The following CCDC178 variants were observed in gnomAD, a reference collection of about 807,000 sequenced individuals.
CCDC178 encodes the protein coiled-coil domain containing 178.
A neutral mutation model predicts 117.4 loss-of-function variants in CCDC178; 126 were observed. That is an observed-to-expected ratio of 1.07 (90% CI 0.93 to 1.24). The LOEUF (loss-of-function observed/expected upper bound fraction) is 1.24, where lower values mean the gene tolerates loss of function less well. Among genes scored for constraint, CCDC178 ranks in the 50% most tolerant of loss-of-function variants. CCDC178 has a pLI of 0.00. For missense variants in CCDC178, 1,030 were observed against 986.9 expected, an observed-to-expected ratio of 1.04 and a Z score of -0.59; for synonymous variants, 283 against 313.4, an observed-to-expected ratio of 0.90 and a Z score of 1.02.
chr18:33,128,708 C>T (rs1396195794), intron 20 of CCDC178, among the ~76,000 whole-genome samples: 1 of 152,124 alleles, frequency 6.6e-6, no homozygotes, highest in Non-Finnish European at 1.5e-5. Flanking sequence ...CCTAAGGAAG[C>T]TCTGGAAGGC....
chr18:33,361,758 T>A (rs1333796046), intron 6 of CCDC178, among the ~76,000 whole-genome samples: 1 of 151,642 alleles, frequency 6.6e-6, no homozygotes, highest in Non-Finnish European at 1.5e-5. Flanking sequence ...ATGAGATATC[T>A]TCTCACACAC....
At chr18:33,417,165 C>T (rs1470934575) in intron 2 of CCDC178, among the ~76,000 whole-genome samples, 6 of 152,080 alleles carry the variant, frequency 3.9e-5, no homozygotes, top group Admixed American at 1.3e-4. Context: ...GTTTTGTCCA[C>T]AATAGCCAAA....
chr18:33,140,435 C>T (rs774842296), intron 20 of CCDC178, among the ~76,000 whole-genome samples: 55 of 152,268 alleles, frequency 3.6e-4, no homozygotes, highest in African/African-American at 8.4e-4. Context: ...GCCATAGGGA[C>T]GGAGCTGCCC....
intron 11 of CCDC178, among the ~76,000 whole-genome samples, chr18:33,315,542 C>T (rs889065395): frequency 1.1e-4 from 16 of 152,198 alleles, no homozygotes; most frequent in Admixed American, 3.3e-4. Flanking sequence ...TATGTATAAG[C>T]AAATCGAGGC....
chr18:33,371,900 A>G (rs2063306905), intron 5 of CCDC178, among the ~76,000 whole-genome samples: 2 of 152,000 alleles, frequency 1.3e-5, no homozygotes, highest in Non-Finnish European at 2.9e-5. Flanking sequence ...TGATAAGGGC[A>G]TGTTGGCCCT....
At chr18:33,237,436 C>G (rs546704618) in intron 15 of CCDC178, among the ~76,000 whole-genome samples, 2 of 152,218 alleles carry the variant, frequency 1.3e-5, no homozygotes, top group Non-Finnish European at 2.9e-5. Context: ...AGAAACCATA[C>G]AGCCATGTCA....
chr18:33,046,904 G>A (rs1253245941), intron 21 of CCDC178, among the ~76,000 whole-genome samples: 1 of 152,148 alleles, frequency 6.6e-6, no homozygotes, highest in Non-Finnish European at 1.5e-5. Flanking sequence ...TGGAGATATA[G>A]AAATGCCTTA....
intron 21 of CCDC178, among the ~76,000 whole-genome samples, chr18:33,005,741 T>C (rs1482309523): frequency 6.6e-6 from 1 of 152,044 alleles, no homozygotes; most frequent in African/African-American, 2.4e-5. Flanking sequence ...ATATCCACTA[T>C]GCACACACAA....
At chr18:33,007,701 C>G in intron 21 of CCDC178, among the ~76,000 whole-genome samples, 1 of 152,094 alleles carries the variant, frequency 6.6e-6, no homozygotes, top group East Asian at 1.9e-4. Context: ...CAAATCAAGG[C>G]TATTGGTGGC....
intron 12 of CCDC178, among the ~76,000 whole-genome samples, chr18:33,276,357 G>C (rs1466783049): frequency 6.6e-6 from 1 of 152,054 alleles, no homozygotes; most frequent in Non-Finnish European, 1.5e-5. Context: ...ACAATTTTAG[G>C]ACAGTTAAAC....
At chr18:33,227,332 A>T (rs2059314652) in intron 15 of CCDC178, among the ~76,000 whole-genome samples, 1 of 151,348 alleles carries the variant, frequency 6.6e-6, no homozygotes, top group Non-Finnish European at 1.5e-5. Context: ...GTAGGGAAAA[A>T]ATTTGGAAAA....
chr18:33,055,706 T>C (rs1476146463), intron 21 of CCDC178, among the ~76,000 whole-genome samples: 2 of 152,198 alleles, frequency 1.3e-5, no homozygotes, highest in African/African-American at 4.8e-5. Flanking sequence ...ATAAGTTCAA[T>C]GAGGAAGTGA....
chr18:32,967,390 G>A (rs932788507), intron 22 of CCDC178, among the ~76,000 whole-genome samples: 1 of 151,354 alleles, frequency 6.6e-6, no homozygotes, highest in Non-Finnish European at 1.5e-5. Context: ...CAGGATTGAT[G>A]TCTTAGACTA....
At chr18:33,202,249 G>A (rs1396868185) in intron 20 of CCDC178, among the ~76,000 whole-genome samples, 1 of 151,816 alleles carries the variant, frequency 6.6e-6, no homozygotes, top group African/African-American at 2.4e-5. Flanking sequence ...AAAATTAGCT[G>A]GGCGTGGTGG....
At chr18:33,341,762 T>C (rs1291802638) in intron 9 of CCDC178, among the ~76,000 whole-genome samples, 1 of 152,172 alleles carries the variant, frequency 6.6e-6, no homozygotes, top group Non-Finnish European at 1.5e-5. Flanking sequence ...CCTGGCCATG[T>C]AGAACTGTGA....
intron 15 of CCDC178, among the ~76,000 whole-genome samples, chr18:33,242,826 A>T (rs1291436510): frequency 6.6e-6 from 1 of 151,846 alleles, no homozygotes; most frequent in Non-Finnish European, 1.5e-5. Flanking sequence ...TAGTACAGAC[A>T]CTATGGACAG....
rs2059285561 is a variant in CCDC178 at position 33,224,952 on chromosome 18, T to G, written c.1657-16A>C. On this transcript the variant is annotated splice_polypyrimidine_tract_variant and intron_variant, in intron 16 of 22. Coordinates refer to ENST00000383096, the MANE Select transcript of CCDC178 (RefSeq NM_001105528.4). The stretch of plus-strand genomic sequence containing the variant: ...ATAGTTTTTTCTGCCAGCAAAGATT[T>G]TAAATAAATCATTCAGTTATTAACT... 1 of 1,491,580 alleles carries G rather than the reference T, an allele frequency of 6.7e-7. No individual in the cohort carries two copies. Among genetic ancestry groups the G allele is most frequent in the East Asian group, 2.4e-5 (1 of 40,852 alleles). 92.4% of individuals were successfully genotyped at this position (1,491,580 alleles called of 1,614,324 possible).
chr18:33,219,126 T>C (rs558557313), intron 18 of CCDC178, among the ~76,000 whole-genome samples: 9 of 152,132 alleles, frequency 5.9e-5, no homozygotes, highest in South Asian at 2.1e-4. Context: ...TTTTATTTCA[T>C]TGAGCAGTGG....
chr18:33,391,701 T>C (rs1353213626), intron 4 of CCDC178, among the ~76,000 whole-genome samples: 1 of 152,004 alleles, frequency 6.6e-6, no homozygotes, highest in African/African-American at 2.4e-5. Flanking sequence ...AAAAAATATG[T>C]ATGAAAAAGG....
Sources: gnomAD v4.1 joint callset for allele counts (sites outside exome capture counted in the v4.1 genomes callset) on GRCh38, gnomAD v4.1.1 for gene constraint, MANE v1.5 for transcripts, NCBI Gene and HGNC (gene_info 2026-07-23, HGNC 2026-07-21) for gene names.